Variants in MRPS6 observed in about 807,000 individuals in gnomAD.
The protein encoded by MRPS6 is mitochondrial ribosomal protein S6.
MRPS6 carries 6 observed loss-of-function variants against 13.1 expected under a neutral mutation model. The ratio of observed to expected loss-of-function variants is 0.46; its 90% CI spans 0.25 to 0.91. The LOEUF (loss-of-function observed/expected upper bound fraction) is 0.91. Ranked by LOEUF, MRPS6 falls within the 40% of genes least tolerant of loss-of-function variation. The pLI is 0.18. For missense variants in MRPS6, 164 were observed against 155.6 expected (o/e 1.05, Z -0.29); for synonymous variants, 61 against 56.5 (o/e 1.08, Z -0.36).
chr21:34,113,461 C>T (rs574330981), intron 1 of MRPS6, among the ~76,000 whole-genome samples: 1 of 152,278 alleles, frequency 6.6e-6, no homozygotes, highest in Admixed American at 6.5e-5. Context: ...ATAAGCCAGA[C>T]ACAGAAAGAC....
chr21:34,076,846 G>A (rs1989343940), intron 1 of MRPS6, among the ~76,000 whole-genome samples: 1 of 152,184 alleles, frequency 6.6e-6, no homozygotes, highest in South Asian at 2.1e-4. Context: ...TAAAAGTCCT[G>A]TTACACCCAT....
Position 34,091,865 on chromosome 21 carries a change from G to GA in MRPS6, c.45+18127dup, listed in dbSNP as rs975911259. ...TACTCCCATTACAGAAGCTTTTTAAGAAAAAAATGGACTACCAAGGAACCC... is the reference window on the plus strand; with the variant it reads ...TACTCCCATTACAGAAGCTTTTTAAGAAAAAAAATGGACTACCAAGGAACCC... On this transcript the variant is annotated intron_variant, in intron 1 of 2. Transcript: ENST00000399312. Among the ~76,000 whole-genome samples, 92 of 152,026 alleles carry GA rather than the reference G, an allele frequency of 6.1e-4. 1 individual carries two copies. Among genetic ancestry groups the GA allele is most frequent in the Middle Eastern group, 3.4e-3 (1 of 294 alleles).
At chr21:34,106,165 C>T (rs1979466872) in intron 1 of MRPS6, 1 of 989,960 alleles carries the variant, frequency 1.0e-6, no homozygotes, top group South Asian at 4.7e-5. Context: ...AAGTACATTC[C>T]TTTCTGTGGT....
chr21:34,109,252 T>C (rs1476034002), intron 1 of MRPS6, among the ~76,000 whole-genome samples: 2 of 152,184 alleles, frequency 1.3e-5, no homozygotes, highest in Non-Finnish European at 2.9e-5. Context: ...TAATCTTCCA[T>C]GTTAAAGGCT....
intron 1 of MRPS6, chr21:34,102,711 A>C (rs557233084): frequency 1.0e-6 from 1 of 1,000,190 alleles, no homozygotes; most frequent in Admixed American, 6.1e-5. Flanking sequence ...CGAGCAAATC[A>C]AGACAAAACA....
chr21:34,137,033 G>A (rs1265080608), intron 2 of MRPS6, among the ~76,000 whole-genome samples: 1 of 152,092 alleles, frequency 6.6e-6, no homozygotes, highest in Non-Finnish European at 1.5e-5. Context: ...TGATCTCTCT[G>A]TGTATCTGTA....
At chr21:34,105,553 T>G (rs961196413) in intron 1 of MRPS6, 3 of 999,740 alleles carry the variant, frequency 3.0e-6, no homozygotes, top group Non-Finnish European at 3.6e-6. Flanking sequence ...GTCCTGCTTA[T>G]GATGCTTTGT....
intron 1 of MRPS6, among the ~76,000 whole-genome samples, chr21:34,080,131 G>A (rs892702906): frequency 7.9e-5 from 12 of 152,200 alleles, no homozygotes; most frequent in Middle Eastern, 3.4e-3. Context: ...CTGTAAATAC[G>A]CTTGTAGTGC....
At chr21:34,118,153 A>G (rs1979993573) in intron 1 of MRPS6, among the ~76,000 whole-genome samples, 4 of 152,078 alleles carry the variant, frequency 2.6e-5, no homozygotes, top group Admixed American at 2.6e-4. Flanking sequence ...TTCTTACTAC[A>G]CTTTATGTAC....
chr21:34,074,080 G>A (rs966757478), intron 1 of MRPS6, among the ~76,000 whole-genome samples: 7 of 144,890 alleles, frequency 4.8e-5, no homozygotes, highest in African/African-American at 1.8e-4. Context: ...TCCAGTGGAA[G>A]GTCCGCGGGA....
chr21:34,112,105 G>C (rs1297866831), intron 1 of MRPS6, among the ~76,000 whole-genome samples: 1 of 151,920 alleles, frequency 6.6e-6, no homozygotes, highest in Non-Finnish European at 1.5e-5. Flanking sequence ...TTTCCTCTTT[G>C]CAGTGAAGAT....
At chr21:34,102,875 A>G in intron 1 of MRPS6, 1 of 999,910 alleles carries the variant, frequency 1.0e-6, no homozygotes, top group Non-Finnish European at 1.2e-6. Flanking sequence ...AGGAATACAT[A>G]TTACAGTGAA....
chr21:34,132,616 G>A (rs922229132), intron 2 of MRPS6, among the ~76,000 whole-genome samples: 18 of 152,170 alleles, frequency 1.2e-4, no homozygotes, highest in African/African-American at 4.1e-4. Context: ...TCCAACATGT[G>A]GGTACTAGGT....
chr21:34,086,515 GTT>G (rs1491364970), intron 1 of MRPS6, among the ~76,000 whole-genome samples: 16 of 81,532 alleles, frequency 2.0e-4, no homozygotes, highest in African/African-American at 3.9e-4. Context: ...TCTAGTTTGT[GTT>G]TGTGTGTGTG....
chr21:34,097,481 A>G, intron 1 of MRPS6: 15 of 1,447,688 alleles, frequency 1.0e-5, no homozygotes, highest in South Asian at 1.7e-5. Context: ...TTTACTTAGC[A>G]GAAAATCATC....
chr21:34,126,174 G>T (rs1980297869), intron 2 of MRPS6, among the ~76,000 whole-genome samples: 1 of 152,124 alleles, frequency 6.6e-6, no homozygotes, highest in Non-Finnish European at 1.5e-5. Context: ...GCTCTCTCTG[G>T]CACTCAGCAA....
At position 34,073,816 on chromosome 21, in the gene MRPS6, G is replaced by T. The variant is rs565837251; in HGVS notation, c.45+71G>T. The T allele has an allele frequency of 5.6e-4, 678 of 1,213,416 alleles. 7 individuals carry two copies. The highest frequency in any genetic ancestry group is 5.5e-3 in the South Asian group (358 of 65,666). The allele number at this position is 1,213,416 out of a possible 1,614,324, so 75.2% of individuals were successfully genotyped here. ...CGCTGCCGCTAGGCCGCCGTCCCCC[G>T]CGCGCCCTGGCCGCGGGACCCCGGG... On this transcript the variant is annotated intron_variant, in intron 1 of 2. Transcript: ENST00000399312.
intron 2 of MRPS6, among the ~76,000 whole-genome samples, chr21:34,133,412 CTT>C (rs1182083361): frequency 6.6e-6 from 1 of 152,210 alleles, no homozygotes; most frequent in Non-Finnish European, 1.5e-5. Context: ...TGTAAACACA[CTT>C]TCTCTTAGAA....
At chr21:34,080,470 G>A (rs1989433706) in intron 1 of MRPS6, among the ~76,000 whole-genome samples, 1 of 151,834 alleles carries the variant, frequency 6.6e-6, no homozygotes, top group African/African-American at 2.4e-5. Context: ...CTGTTTTTCT[G>A]TTTGGAACAC....
Sources: gnomAD v4.1 joint callset for allele counts (sites outside exome capture counted in the v4.1 genomes callset) on GRCh38, gnomAD v4.1.1 for gene constraint, MANE v1.5 for transcripts, NCBI Gene and HGNC (gene_info 2026-07-23, HGNC 2026-07-21) for gene names.